The following ANKRD62 variants were observed in gnomAD, a reference collection of about 807,000 sequenced individuals.
ANKRD62 encodes ankyrin repeat domain 62, also known as ankyrin repeat domain-containing protein 62.
Under a neutral mutation model 98.8 loss-of-function variants are expected in ANKRD62, and 61 were observed. The observed-to-expected ratio is 0.62, with a 90% CI of 0.50 to 0.76. The LOEUF (loss-of-function observed/expected upper bound fraction) is 0.76. Among genes scored for constraint, ANKRD62 ranks in the 30% least tolerant of loss-of-function variants. The pLI is 0.00. For missense variants in ANKRD62, 933 were observed against 1,082.9 expected, an observed-to-expected ratio of 0.86 and a Z score of 1.94; for synonymous variants, 341 against 367.9, an observed-to-expected ratio of 0.93 and a Z score of 0.84.
intron 4 of ANKRD62, among the ~76,000 whole-genome samples, chr18:12,097,318 A>G (rs1489474209): frequency 6.6e-6 from 1 of 152,190 alleles, no homozygotes; most frequent in Admixed American, 6.5e-5. Context: ...GAAGAAATGG[A>G]TAATTTTTCA....
intron 7 of ANKRD62, among the ~76,000 whole-genome samples, chr18:12,105,217 A>G (rs1909386944): frequency 6.6e-6 from 1 of 152,250 alleles, no homozygotes; most frequent in South Asian, 2.1e-4. Flanking sequence ...TAATAAGAAT[A>G]CAAAACCAAT....
At chr18:12,132,038 TTAA>T (rs1910013221), downstream of ANKRD62, among the ~76,000 whole-genome samples, 1 of 152,176 alleles carries the variant, frequency 6.6e-6, no homozygotes, top group South Asian at 2.1e-4. Context: ...GTAAAGAATC[TTAA>T]TAATGATGAC....
rs761077155 is a variant in ANKRD62 at position 12,124,150 on chromosome 18, C to G, written c.1468C>G (p.Gln490Glu). Residue 490 changes from glutamine (Q) to glutamate (E), a missense_variant, in exon 12 of 14, where the codon CAA becomes GAA. By Grantham distance (29) the Gln-to-Glu change is conservative (BLOSUM62 2). This residue lies in a region of ANKRD62 where 549 missense variants were observed against 587.9 expected (regional missense o/e 0.93). Transcript: ENST00000587848. Reference sequence around the variant, plus strand: ...ATTTAACTACAGATTTATCTTACAACAACAAGAAGAAGAAAGAATAAAGGC... The same window carrying G: ...ATTTAACTACAGATTTATCTTACAAGAACAAGAAGAAGAAAGAATAAAGGC... ...KLCNLRFILQ[Q>E]QEEERIKAEE... is the part of the protein sequence containing the mutation. 3 of 1,298,610 alleles carry G rather than the reference C, an allele frequency of 2.3e-6. No homozygotes were observed. Among genetic ancestry groups the G allele is most frequent in the Middle Eastern group, 1.8e-4 (1 of 5,492 alleles). The allele number at this position is 1,298,610 out of a possible 1,614,324, so 80.4% of individuals were successfully genotyped here. A position where few individuals can be genotyped will look rare whatever the true frequency, so the allele number is the denominator to read the frequency against.
At chr18:12,145,606 G>A in the ANKRD62 span, among the ~76,000 whole-genome samples, 11 of 152,178 alleles carry the variant, frequency 7.2e-5, no homozygotes, top group East Asian at 2.1e-3. Flanking sequence ...TTCACTGGGA[G>A]GGAGCTCTCA....
At chr18:12,113,613 G>A (rs960577543) in intron 8 of ANKRD62, among the ~76,000 whole-genome samples, 1 of 152,072 alleles carries the variant, frequency 6.6e-6, no homozygotes, top group African/African-American at 2.4e-5. Context: ...GTGACAGACT[G>A]AGACTCCGTC....
chr18:12,131,487 TA>T (rs1184255292), downstream of ANKRD62, among the ~76,000 whole-genome samples: 3 of 152,170 alleles, frequency 2.0e-5, no homozygotes, highest in Non-Finnish European at 2.9e-5. Flanking sequence ...TCAATAGCTT[TA>T]AAAAAAGTCC....
At chr18:12,107,544 T>A in intron 8 of ANKRD62, 77 bp downstream of exon 8, 1 of 1,121,552 alleles carries the variant, frequency 8.9e-7, no homozygotes, top group Non-Finnish European at 1.1e-6. Context: ...GGTTAATATG[T>A]ACGATTAACA....
chr18:12,146,735 G>A, the ANKRD62 span, among the ~76,000 whole-genome samples: 5 of 152,398 alleles, frequency 3.3e-5, no homozygotes, highest in East Asian at 3.9e-4. Flanking sequence ...GTGAGCCACC[G>A]TGCCCAGCCC....
chr18:12,132,518 A>C (rs1316877678), downstream of ANKRD62, among the ~76,000 whole-genome samples: 1 of 151,830 alleles, frequency 6.6e-6, no homozygotes. Flanking sequence ...TTTGCAGTAC[A>C]GTGTTGAATA....
the ANKRD62 span, among the ~76,000 whole-genome samples, chr18:12,155,931 A>T: frequency 6.6e-6 from 1 of 152,112 alleles, no homozygotes; most frequent in African/African-American, 2.4e-5. Context: ...TTTAAATTTC[A>T]TGATGAAATG....
At chr18:12,172,484 G>A in the ANKRD62 span, among the ~76,000 whole-genome samples, 7 of 152,086 alleles carry the variant, frequency 4.6e-5, no homozygotes, top group Non-Finnish European at 5.9e-5. Context: ...CCTTCCTCTG[G>A]AAGCTTCATC....
the ANKRD62 span, among the ~76,000 whole-genome samples, chr18:12,136,078 T>G: frequency 6.6e-6 from 1 of 152,242 alleles, no homozygotes; most frequent in East Asian, 1.9e-4. Flanking sequence ...TAGGCTTTTG[T>G]TGCCATTGCT....
chr18:12,166,714 GA>G, the ANKRD62 span, among the ~76,000 whole-genome samples: 3 of 152,036 alleles, frequency 2.0e-5, no homozygotes, highest in Non-Finnish European at 2.9e-5. Context: ...TTTGGGCATT[GA>G]AGAGTTAAGT....
intron 8 of ANKRD62, among the ~76,000 whole-genome samples, chr18:12,108,838 A>T (rs1410251066): frequency 6.6e-6 from 1 of 152,130 alleles, no homozygotes; most frequent in Non-Finnish European, 1.5e-5. Context: ...CAAGTCTGAA[A>T]CTCTACTTGG....
At chr18:12,119,100 T>C (rs1242252590) in intron 10 of ANKRD62, among the ~76,000 whole-genome samples, 1 of 152,216 alleles carries the variant, frequency 6.6e-6, no homozygotes, top group Non-Finnish European at 1.5e-5. Flanking sequence ...TATTGCTTCT[T>C]GGTTAAGATT....
At chr18:12,151,830 T>C in the ANKRD62 span, among the ~76,000 whole-genome samples, 39 of 152,064 alleles carry the variant, frequency 2.6e-4, no homozygotes, top group Admixed American at 5.2e-4. Context: ...GCTAGACTAA[T>C]AGAGAAGAGA....
chr18:12,167,342 G>A, the ANKRD62 span, among the ~76,000 whole-genome samples: 16 of 151,750 alleles, frequency 1.1e-4, no homozygotes, highest in South Asian at 2.7e-3. Flanking sequence ...GTGTCCAAGC[G>A]TTCTCATTGT....
At chr18:12,104,564 A>C (rs532821938) in intron 7 of ANKRD62, among the ~76,000 whole-genome samples, 2 of 152,264 alleles carry the variant, frequency 1.3e-5, no homozygotes, top group South Asian at 2.1e-4. Context: ...AGGTGGAAAA[A>C]AACTTTAAAA....
At chr18:12,172,555 T>C in the ANKRD62 span, among the ~76,000 whole-genome samples, 1 of 152,212 alleles carries the variant, frequency 6.6e-6, no homozygotes, top group East Asian at 1.9e-4. Context: ...TGCCTCTCAA[T>C]TAGGCTACTC....
Sources: gnomAD v4.1 joint callset for allele counts (sites outside exome capture counted in the v4.1 genomes callset) on GRCh38, gnomAD v4.1.1 for gene constraint, gnomAD v4.1.1 regional missense constraint, MANE v1.5 for transcripts, NCBI Gene and HGNC (gene_info 2026-07-23, HGNC 2026-07-21) for gene names.